The following GRIK4 variants were observed in gnomAD, a reference collection of about 807,000 sequenced individuals.
GRIK4 encodes the protein glutamate receptor ionotropic, kainate 4.
A neutral mutation model predicts 104.9 loss-of-function variants in GRIK4; 40 were observed. The observed-to-expected ratio is 0.38, with a 90% CI of 0.30 to 0.50. The LOEUF (loss-of-function observed/expected upper bound fraction) is 0.50, where lower values mean the gene tolerates loss of function less well. GRIK4 is among the 20% of genes least tolerant of loss of function. The probability of loss-of-function intolerance (pLI) is 0.93; values close to 1 mark genes in which losing one functional copy is unlikely to be tolerated. For synonymous variants in GRIK4, 485 were observed against 524.9 expected (o/e 0.92, Z 1.04); for missense variants, 1,047 against 1,308.1 (o/e 0.80, Z 3.08).
At chr11:120,807,500 G>A (rs571341345) in intron 4 of GRIK4, among the ~76,000 whole-genome samples, 3 of 152,228 alleles carry the variant, frequency 2.0e-5, no homozygotes, top group South Asian at 4.1e-4. Flanking sequence ...TGCCCGGCGC[G>A]TAGCGTTCCA....
chr11:120,718,204 C>T (rs541723137), intron 3 of GRIK4, among the ~76,000 whole-genome samples: 2 of 152,168 alleles, frequency 1.3e-5, no homozygotes, highest in African/African-American at 2.4e-5. Context: ...CCCTGGAGTT[C>T]CTAATATGTC....
intron 1 of GRIK4, among the ~76,000 whole-genome samples, chr11:120,651,187 G>C (rs1031397963): frequency 6.6e-6 from 1 of 152,198 alleles, no homozygotes; most frequent in African/African-American, 2.4e-5. Context: ...GTGTACAAGG[G>C]CTGGAAGGAA....
At chr11:120,658,497 A>G (rs1294796896) in intron 2 of GRIK4, among the ~76,000 whole-genome samples, 2 of 152,168 alleles carry the variant, frequency 1.3e-5, no homozygotes, top group Non-Finnish European at 2.9e-5. Flanking sequence ...CTACCACTGC[A>G]TAAGAGTTCC....
At chr11:120,547,057 G>C (rs533438904) in intron 1 of GRIK4, among the ~76,000 whole-genome samples, 1 of 152,174 alleles carries the variant, frequency 6.6e-6, no homozygotes, top group Non-Finnish European at 1.5e-5. Flanking sequence ...CTCTGGCAGC[G>C]CTTCCTCCAC....
At chr11:120,791,169 C>G (rs941395233) in intron 3 of GRIK4, among the ~76,000 whole-genome samples, 8 of 151,930 alleles carry the variant, frequency 5.3e-5, no homozygotes, top group African/African-American at 1.9e-4. Context: ...TTGGGGGACA[C>G]TTACATAGTG....
At position 120,819,952 on chromosome 11, in the gene GRIK4, CA is replaced by C; in HGVS notation, c.511+33del. On this transcript the variant is annotated intron_variant, in intron 6 of 20. Transcript: ENST00000527524. This position sits in a 1 kb window ranked among gnomAD's most constrained non-coding sequence, Gnocchi z 4.3. ...TTCCCCAGGCTGGCTCTGCCCCAGA[CA>C]GTCCAGTCTTGTTGATTTTGCCCTG... 3 of 1,608,278 alleles carry C rather than the reference CA, an allele frequency of 1.9e-6. No homozygotes were observed. The highest frequency in any genetic ancestry group is 2.5e-6 in the Non-Finnish European group (3 of 1,176,750).
intron 3 of GRIK4, among the ~76,000 whole-genome samples, chr11:120,670,604 G>A (rs1949999151): frequency 6.6e-6 from 1 of 152,210 alleles, no homozygotes; most frequent in African/African-American, 2.4e-5. Context: ...ATATCTGTGT[G>A]GTTCACTTTC....
At chr11:120,964,492 T>C (rs1157150973) in intron 18 of GRIK4, among the ~76,000 whole-genome samples, 2 of 152,230 alleles carry the variant, frequency 1.3e-5, no homozygotes, top group African/African-American at 4.8e-5. Context: ...ATACAGATTA[T>C]GGACACCTTT....
chr11:120,583,013 G>A (rs1260409900), intron 1 of GRIK4, among the ~76,000 whole-genome samples: 2 of 152,196 alleles, frequency 1.3e-5, no homozygotes, highest in Non-Finnish European at 2.9e-5. Flanking sequence ...AACCTCAGCA[G>A]CATCTGTTAT....
chr11:120,578,687 C>T (rs964639738), intron 1 of GRIK4, among the ~76,000 whole-genome samples: 3 of 152,246 alleles, frequency 2.0e-5, no homozygotes, highest in African/African-American at 7.2e-5. Context: ...CAGCCACTGC[C>T]CCTCGGCCTT....
chr11:120,896,684 C>T (rs1942591429), intron 11 of GRIK4, among the ~76,000 whole-genome samples: 1 of 152,254 alleles, frequency 6.6e-6, no homozygotes, highest in African/African-American at 2.4e-5. Context: ...ACTCTCAGTC[C>T]TCTGGCCCCA....
intron 1 of GRIK4, among the ~76,000 whole-genome samples, chr11:120,619,060 C>T (rs527613761): frequency 4.6e-5 from 7 of 152,190 alleles, no homozygotes; most frequent in East Asian, 1.9e-4. Flanking sequence ...AGGCACTCAA[C>T]GCCAGCCCTT....
intron 14 of GRIK4, among the ~76,000 whole-genome samples, chr11:120,951,115 A>G (rs931900795): frequency 1.3e-5 from 2 of 152,236 alleles, no homozygotes; most frequent in Non-Finnish European, 2.9e-5. Context: ...ACAGTGCCCA[A>G]GAACAGCTGC....
chr11:120,757,743 C>T (rs987371746), intron 3 of GRIK4, among the ~76,000 whole-genome samples: 13 of 152,190 alleles, frequency 8.5e-5, no homozygotes, highest in Non-Finnish European at 1.6e-4. Flanking sequence ...TACTAAGTCT[C>T]AGTTATCTGC....
At position 120,819,901 on chromosome 11, in the gene GRIK4, C is replaced by T; in HGVS notation, c.492C>T (p.Leu164=). 6.2e-7 allele frequency: 1 copy of T among 1,614,026 alleles called. No homozygotes were observed. Among genetic ancestry groups the T allele is most frequent in the Non-Finnish European group, 8.5e-7 (1 of 1,180,026 alleles). The change falls in exon 6 of 21, where the codon CTC becomes CTT. Residue 164 remains leucine (L), a synonymous_variant. Coordinates refer to ENST00000527524, the MANE Select transcript of GRIK4 (RefSeq NM_014619.5). The surrounding 1 kb of genome is among the most constrained non-coding windows in gnomAD (Gnocchi z 4.3). ...TCTTCAACTGCACCACCGCCTGCCT[C>T]ATCTGTGCCAAAGCAGAATGTAAGT... The part of the protein sequence containing the change: ...LNFFNCTTAC[L]ICAKAECLLN...
chr11:120,968,508 T>A (rs1944421505), intron 19 of GRIK4, among the ~76,000 whole-genome samples: 1 of 152,250 alleles, frequency 6.6e-6, no homozygotes, highest in Non-Finnish European at 1.5e-5. Context: ...TTGTCCCTGA[T>A]GAGACAGTGA....
chr11:120,755,950 C>T (rs1951644114), intron 3 of GRIK4, among the ~76,000 whole-genome samples: 1 of 152,142 alleles, frequency 6.6e-6, no homozygotes, highest in Non-Finnish European at 1.5e-5. Flanking sequence ...CCCAGAGTGA[C>T]AATTACTAAT....
intron 1 of GRIK4, among the ~76,000 whole-genome samples, chr11:120,566,249 C>T (rs1346172992): frequency 6.6e-6 from 1 of 152,202 alleles, no homozygotes; most frequent in East Asian, 1.9e-4. Flanking sequence ...ATCTTCTGAT[C>T]TAGGCAAGAT....
intron 3 of GRIK4, among the ~76,000 whole-genome samples, chr11:120,673,375 G>T (rs1441960791): frequency 6.6e-6 from 1 of 152,218 alleles, no homozygotes; most frequent in African/African-American, 2.4e-5. Flanking sequence ...CACAGAGGCA[G>T]CCCTTAACAA....
Sources: gnomAD v4.1 joint callset for allele counts (sites outside exome capture counted in the v4.1 genomes callset) on GRCh38, gnomAD v4.1.1 for gene constraint, Gnocchi (gnomAD v3.1) non-coding constraint, MANE v1.5 for transcripts, NCBI Gene and HGNC (gene_info 2026-07-23, HGNC 2026-07-21) for gene names.